The following RPH3AL variants were observed in gnomAD, a reference collection of about 807,000 sequenced individuals.
RPH3AL encodes rab effector Noc2.
Under a neutral mutation model 43.1 loss-of-function variants are expected in RPH3AL, and 38 were observed. The observed-to-expected ratio is 0.88, with a 90% confidence interval of 0.68 to 1.15. The LOEUF is 1.15. RPH3AL is among the 50% of genes most tolerant of loss of function. The pLI is 0.00. For synonymous variants in RPH3AL, 189 were observed against 176.3 expected, an observed-to-expected ratio of 1.07 and a Z score of -0.57; for missense variants, 462 against 423.2, an observed-to-expected ratio of 1.09 and a Z score of -0.81.
At position 283,055 on chromosome 17, in the gene RPH3AL, CAG is replaced by C. The variant is rs1002787722; in HGVS notation, c.352-1203_352-1202del. 2.0e-5 allele frequency among the ~76,000 whole-genome samples: 3 copies of C among 152,182 alleles called. No homozygotes were observed. The highest frequency in any genetic ancestry group is 1.9e-4 in the East Asian group (1 of 5,196). ...GAGACCGGCTCCAGGCTAACCCAGG[CAG>C]AGTCTGATTCAGCGATCGCTGGCGA... is the stretch of plus-strand genomic sequence containing the variant. On this transcript the variant is annotated intron_variant, in intron 5 of 9. Transcript: ENST00000331302. The surrounding 1 kb of genome is among the most constrained non-coding windows in gnomAD (Gnocchi z 4.2).
At chr17:265,932 C>T (rs1597971507) in intron 6 of RPH3AL, among the ~76,000 whole-genome samples, 1 of 152,178 alleles carries the variant, frequency 6.6e-6, no homozygotes, top group East Asian at 1.9e-4. Context: ...GGGTGAGTCT[C>T]CGCTCACGGC....
intron 6 of RPH3AL, chr17:261,866 A>C (rs980750610): frequency 6.6e-6 from 1 of 152,202 alleles, no homozygotes; most frequent in African/African-American, 2.4e-5. Context: ...AAGTTCCCGG[A>C]AGGCAGCGCT....
intron 7 of RPH3AL, among the ~76,000 whole-genome samples, chr17:239,361 A>T (rs774826074): frequency 1.6e-4 from 24 of 152,240 alleles, no homozygotes; most frequent in Non-Finnish European, 3.4e-4. Flanking sequence ...GGAGAAAGAA[A>T]TCTAATTGCA....
In RPH3AL at chr17:219,643, T is replaced by A. The variant is rs1484514455; in HGVS notation, c.707A>T (p.Asp236Val). The A allele has an allele frequency of 6.2e-7, 1 of 1,606,398 alleles. No individual in the cohort carries two copies. Among genetic ancestry groups the A allele is most frequent in the East Asian group, 2.2e-5 (1 of 44,522 alleles). Residue 236 changes from aspartate to valine, a missense_variant, in exon 8 of 10, where the codon GAC (aspartate) becomes GTC (valine). Physicochemically the swap from Asp to Val is radical, Grantham distance 152. Transcript: ENST00000331302. The stretch of plus-strand genomic sequence containing the variant: ...CTTACCTGACTCCTTCCAGGGTTTG[T>A]CGCCTTTCCGGTCCCTGACCCCAGT... ...PSTGVRDRKG[D>V]KPWKESGGSV...
At chr17:233,839 C>A (rs28690679) in intron 7 of RPH3AL, among the ~76,000 whole-genome samples, 9,950 of 109,598 alleles carry the variant, frequency 0.091, 1,835 homozygotes, top group Non-Finnish European at 0.13. Context: ...GCGGCTACTT[C>A]CCCTGACCAA....
chr17:241,705 CTTTTTCTTTT>C (rs1334531723), intron 7 of RPH3AL, among the ~76,000 whole-genome samples: 13 of 133,528 alleles, frequency 9.7e-5, no homozygotes, highest in African/African-American at 3.4e-4. Flanking sequence ...AGAGATGTTT[CTTTTTCTTTT>C]TTTTTCTTTT....
chr17:314,898 C>A (rs796209499), intron 5 of RPH3AL, among the ~76,000 whole-genome samples: 1 of 142,456 alleles, frequency 7.0e-6, no homozygotes. Context: ...CTGTGCTCCA[C>A]CTCCATTGAC....
chr17:340,719 C>T (rs367623041), intron 1 of RPH3AL, among the ~76,000 whole-genome samples: 1,372 of 83,678 alleles, frequency 0.016, 1 homozygote, highest in Admixed American at 0.025. Context: ...CCCACATCCA[C>T]ACTCACTGCC....
chr17:238,347 GAGAAA>G (rs761680624), intron 7 of RPH3AL, among the ~76,000 whole-genome samples: 7 of 152,052 alleles, frequency 4.6e-5, no homozygotes, highest in Non-Finnish European at 1.0e-4. Context: ...AAGAGAGAGA[GAGAAA>G]AGAAAAGAAA....
intron 6 of RPH3AL, among the ~76,000 whole-genome samples, chr17:273,125 G>A (rs1276846366): frequency 1.2e-5 from 1 of 80,912 alleles, no homozygotes; most frequent in African/African-American, 4.8e-5. Context: ...CAGCGAGGGT[G>A]ACGTCAGGGA....
chr17:350,565 C>T (rs2045333877), intron 1 of RPH3AL, among the ~76,000 whole-genome samples: 1 of 151,952 alleles, frequency 6.6e-6, no homozygotes, highest in Admixed American at 6.6e-5. Flanking sequence ...GAGCCGAGAT[C>T]GCACCAGTGC....
intron 7 of RPH3AL, among the ~76,000 whole-genome samples, chr17:227,170 G>A (rs1005420688): frequency 3.3e-5 from 5 of 152,220 alleles, no homozygotes; most frequent in Non-Finnish European, 7.3e-5. Context: ...CAGAAGGGCT[G>A]CCTGCTTGCC....
intron 6 of RPH3AL, among the ~76,000 whole-genome samples, chr17:250,528 G>C (rs2041874917): frequency 6.7e-6 from 1 of 148,164 alleles, no homozygotes; most frequent in Admixed American, 6.7e-5. Flanking sequence ...ACCTCTCAGA[G>C]CCTTTACTAA....
At chr17:243,596 AC>A (rs773149692) in intron 7 of RPH3AL, among the ~76,000 whole-genome samples, 94 of 96,714 alleles carry the variant, frequency 9.7e-4, no homozygotes, top group African/African-American at 3.9e-3. Flanking sequence ...TCTATTGATT[AC>A]CCTTCCTCTA....
chr17:332,944 A>T, intron 2 of RPH3AL: 2 of 1,130,698 alleles, frequency 1.8e-6, no homozygotes, highest in East Asian at 5.8e-5. Context: ...GGTACAGGGA[A>T]CGGAACAGGA....
rs541034443 is a variant in RPH3AL, at chr17:215,735, G to A, written c.795C>T (p.Ser265=). ...HPPGHLSGCQ[S]SLASGETGTG... ...TCCCCGTCTCACCACTGGCCAGGCT[G>A]CTCTGGCACCCAGAGAGGTGGCCCG... The change falls in exon 9 of 10, where the codon AGC becomes AGT. Residue 265 remains serine (S), a synonymous_variant. Coordinates refer to ENST00000331302, the MANE Select transcript of RPH3AL (RefSeq NM_006987.4). The surrounding 1 kb of genome is among the most constrained non-coding windows in gnomAD (Gnocchi z 4.1). 96 of 1,307,930 alleles carry A rather than the reference G, an allele frequency of 7.3e-5. 1 individual carries two copies. The South Asian group carries it at 2.3e-3, about 32-fold the overall frequency. The allele number at this position is 1,307,930 out of a possible 1,614,324, so 81.0% of individuals were successfully genotyped here.
chr17:285,181 G>A (rs2042877100), intron 5 of RPH3AL, among the ~76,000 whole-genome samples: 2 of 151,844 alleles, frequency 1.3e-5, no homozygotes, highest in African/African-American at 4.8e-5. Context: ...CCCTGGAGTC[G>A]TCTAGAGCCC....
intron 6 of RPH3AL, among the ~76,000 whole-genome samples, chr17:276,845 G>C (rs2042667815): frequency 6.6e-6 from 1 of 152,158 alleles, no homozygotes; most frequent in Non-Finnish European, 1.5e-5. Context: ...GTGGACAACA[G>C]GGGTAGAATC....
intron 6 of RPH3AL, among the ~76,000 whole-genome samples, chr17:249,192 G>C (rs2041832445): frequency 6.6e-6 from 1 of 152,110 alleles, no homozygotes; most frequent in African/African-American, 2.4e-5. Context: ...AGGAGGGGTG[G>C]GAGCCTGTAA....
Sources: gnomAD v4.1 joint callset for allele counts (sites outside exome capture counted in the v4.1 genomes callset) on GRCh38, gnomAD v4.1.1 for gene constraint, Gnocchi (gnomAD v3.1) non-coding constraint, MANE v1.5 for transcripts, NCBI Gene and HGNC (gene_info 2026-07-23, HGNC 2026-07-21) for gene names.